The following SUPT3H variants were observed in gnomAD, a reference collection of about 807,000 sequenced individuals.
SUPT3H encodes transcription initiation protein SPT3 homolog.
A neutral mutation model predicts 44.3 loss-of-function variants in SUPT3H; 44 were observed. The ratio of observed to expected loss-of-function variants is 0.99; its 90% CI spans 0.78 to 1.28. The LOEUF (loss-of-function observed/expected upper bound fraction) is 1.28, where lower values mean the gene tolerates loss of function less well. SUPT3H is among the 50% of genes most tolerant of loss of function. The pLI, the probability that SUPT3H is intolerant of heterozygous loss-of-function variation, is 0.00. For synonymous variants in SUPT3H, 124 were observed against 125.6 expected, an observed-to-expected ratio of 0.99 and a Z score of 0.09; for missense variants, 380 against 387.1, an observed-to-expected ratio of 0.98 and a Z score of 0.15.
chr6:44,942,321 G>T (rs1450876036), intron 9 of SUPT3H, among the ~76,000 whole-genome samples: 6 of 151,944 alleles, frequency 3.9e-5, no homozygotes, highest in African/African-American at 1.4e-4. Flanking sequence ...GTATATGAAA[G>T]CACTGTAGAC....
chr6:45,082,399 C>T (rs888981326), intron 3 of SUPT3H, among the ~76,000 whole-genome samples: 9 of 152,100 alleles, frequency 5.9e-5, no homozygotes, highest in Admixed American at 5.9e-4. Context: ...AAATCATTAA[C>T]AAAATACTAG....
intron 2 of SUPT3H, among the ~76,000 whole-genome samples, chr6:45,220,744 A>G (rs1765899866): frequency 6.6e-6 from 1 of 152,228 alleles, no homozygotes; most frequent in African/African-American, 2.4e-5. Flanking sequence ...AACCTAGGCC[A>G]TACCATTCAG....
chr6:45,076,493 C>T (rs925303198), intron 3 of SUPT3H, among the ~76,000 whole-genome samples: 14 of 137,026 alleles, frequency 1.0e-4, no homozygotes, highest in Admixed American at 3.9e-4. Context: ...AAAGAATATA[C>T]TACAAGAAGA....
At chr6:44,815,172 G>A (rs1201910582) in intron 11 of SUPT3H, among the ~76,000 whole-genome samples, 1 of 152,070 alleles carries the variant, frequency 6.6e-6, no homozygotes, top group Non-Finnish European at 1.5e-5. Context: ...TGCATTCTTT[G>A]TGCTTTTCTG....
intron 2 of SUPT3H, among the ~76,000 whole-genome samples, chr6:45,320,443 A>ATT (rs773936217): frequency 7.8e-6 from 1 of 128,570 alleles, no homozygotes. Flanking sequence ...TTTCTTTTCC[A>ATT]TTTTTTTTTT....
In SUPT3H at chr6:44,991,678, G is replaced by A. The variant is rs370796120; in HGVS notation, c.504+11975C>T. Among the ~76,000 whole-genome samples the A allele has an allele frequency of 6.6e-5, 10 of 151,858 alleles. No homozygotes were observed. In the East Asian group the frequency reaches 1.4e-3, roughly 21 times the overall value. On this transcript the variant is annotated intron_variant, in intron 6 of 10. Coordinates refer to ENST00000371459, the MANE Select transcript of SUPT3H (RefSeq NM_003599.4). ...GAACACAATGATATAGAAAAAAATCGAATTACATTAAACAGCTTGATTTGC... is the reference window on the plus strand; with the variant it reads ...GAACACAATGATATAGAAAAAAATCAAATTACATTAAACAGCTTGATTTGC...
chr6:45,331,252 A>G (rs1584950332), intron 2 of SUPT3H, among the ~76,000 whole-genome samples: 2 of 152,156 alleles, frequency 1.3e-5, no homozygotes, highest in African/African-American at 4.8e-5. Context: ...CATTTATCAT[A>G]AATATAGCTT....
intron 9 of SUPT3H, among the ~76,000 whole-genome samples, chr6:44,934,806 C>T (rs1451294476): frequency 6.6e-6 from 1 of 152,086 alleles, no homozygotes; most frequent in Non-Finnish European, 1.5e-5. Context: ...GAAATACATT[C>T]CTATTGTTTA....
chr6:44,879,547 G>C (rs530583049), intron 10 of SUPT3H, among the ~76,000 whole-genome samples: 1 of 152,306 alleles, frequency 6.6e-6, no homozygotes, highest in East Asian at 1.9e-4. Flanking sequence ...AGAGAGCAGT[G>C]GATCTCCCAG....
chr6:44,925,810 C>T (rs929477913), intron 10 of SUPT3H, among the ~76,000 whole-genome samples: 8 of 152,124 alleles, frequency 5.3e-5, no homozygotes, highest in African/African-American at 1.4e-4. Flanking sequence ...TAACCCTGAA[C>T]AAGTAAATTC....
intron 3 of SUPT3H, among the ~76,000 whole-genome samples, chr6:45,053,662 G>T (rs747919754): frequency 6.7e-6 from 1 of 149,390 alleles, no homozygotes; most frequent in Non-Finnish European, 1.5e-5. Flanking sequence ...ACTTTGGGAG[G>T]CCGAAGCAGG....
chr6:45,220,056 A>G (rs1348370832), intron 2 of SUPT3H, among the ~76,000 whole-genome samples: 14 of 150,258 alleles, frequency 9.3e-5, no homozygotes, highest in Admixed American at 8.6e-4. Context: ...AAAAAAAAAA[A>G]AAAAAAAAAA....
chr6:45,067,270 C>A (rs1282605803), intron 3 of SUPT3H, among the ~76,000 whole-genome samples: 1 of 141,506 alleles, frequency 7.1e-6, no homozygotes, highest in East Asian at 2.0e-4. Context: ...ATGTAGAAAG[C>A]TGAAACTGGA....
At chr6:44,944,553 G>GT (rs1167244714) in intron 9 of SUPT3H, among the ~76,000 whole-genome samples, 1 of 151,562 alleles carries the variant, frequency 6.6e-6, no homozygotes, top group East Asian at 1.9e-4. Flanking sequence ...GAGCCCAGGA[G>GT]TTTGAGAATA....
chr6:45,020,727 T>TA (rs1297366552), intron 3 of SUPT3H, 95 bp from the exon 4 acceptor site: 15 of 777,276 alleles, frequency 1.9e-5, no homozygotes, highest in Non-Finnish European at 2.6e-5. Context: ...TACTAAGAGT[T>TA]AAAAACCTTT....
At chr6:45,180,273 G>A (rs1197716108) in intron 2 of SUPT3H, among the ~76,000 whole-genome samples, 4 of 145,520 alleles carry the variant, frequency 2.7e-5, no homozygotes, top group African/African-American at 7.7e-5. Flanking sequence ...AATCAATATC[G>A]TGAAAATGGC....
At chr6:44,998,919 G>T (rs888491799) in intron 6 of SUPT3H, among the ~76,000 whole-genome samples, 7 of 151,820 alleles carry the variant, frequency 4.6e-5, no homozygotes, top group African/African-American at 1.7e-4. Context: ...ACAAAGCTTT[G>T]TCTACACTTG....
chr6:45,107,451 G>A (rs911128386), intron 2 of SUPT3H, among the ~76,000 whole-genome samples: 18 of 152,082 alleles, frequency 1.2e-4, no homozygotes, highest in Admixed American at 9.8e-4. Context: ...GTGTGAACTA[G>A]GAAAATACCC....
At chr6:45,311,159 C>T (rs975417965) in intron 2 of SUPT3H, among the ~76,000 whole-genome samples, 2 of 152,140 alleles carry the variant, frequency 1.3e-5, no homozygotes, top group African/African-American at 4.8e-5. Flanking sequence ...AGCAATAGAA[C>T]AGAACAAGTA....
Sources: allele counts gnomAD v4.1 joint callset (sites outside exome capture counted in the v4.1 genomes callset), GRCh38; gene constraint gnomAD v4.1.1; transcripts MANE v1.5; gene names NCBI Gene and HGNC (gene_info 2026-07-23, HGNC 2026-07-21).